Variants in NUP85 observed in about 807,000 individuals in gnomAD.
NUP85 encodes nuclear pore complex protein Nup85.
NUP85 carries 23 observed loss-of-function variants against 92.8 expected under a neutral mutation model. The observed-to-expected ratio is 0.25, with a 90% CI of 0.18 to 0.35. The LOEUF (loss-of-function observed/expected upper bound fraction) is 0.35, where lower values mean the gene tolerates loss of function less well. NUP85 is among the 10% of genes least tolerant of loss of function. The probability of loss-of-function intolerance (pLI) is 1.00; values close to 1 mark genes in which losing one functional copy is unlikely to be tolerated. For missense variants in NUP85, 759 were observed against 822.8 expected, an observed-to-expected ratio of 0.92 and a Z score of 0.95; for synonymous variants, 314 against 306.9, an observed-to-expected ratio of 1.02 and a Z score of -0.24.
chr17:75,213,982 C>T (rs1016951989), intron 5 of NUP85, among the ~76,000 whole-genome samples: 2 of 150,992 alleles, frequency 1.3e-5, no homozygotes, highest in African/African-American at 4.9e-5. Context: ...TGCCATTCTC[C>T]TGCCTCAGCC....
Position 75,226,035 on chromosome 17 carries a change from C to T in NUP85, c.988-16C>T. On this transcript the variant is annotated splice_polypyrimidine_tract_variant and intron_variant, in intron 10 of 18. Coordinates refer to ENST00000245544, the MANE Select transcript of NUP85 (RefSeq NM_024844.5). ...CTTCCGTCCTCAGGATTGAGTGTCTCATCACCTTTCCACAGTCCAGCCTGG... is the reference window on the plus strand; with the variant it reads ...CTTCCGTCCTCAGGATTGAGTGTCTTATCACCTTTCCACAGTCCAGCCTGG... The T allele has an allele frequency of 6.2e-7, 1 of 1,613,694 alleles. No individual in the cohort carries two copies. The highest frequency in any genetic ancestry group is 1.1e-5 in the South Asian group (1 of 91,074).
At chr17:75,228,513 C>T in intron 11 of NUP85, 4 of 985,418 alleles carry the variant, frequency 4.1e-6, no homozygotes, top group Non-Finnish European at 4.8e-6. Flanking sequence ...TCTTCAGAGG[C>T]AGTAGCAGTT....
Position 75,235,558 on chromosome 17 carries a change from T to A in NUP85, c.1870-20T>A, listed in dbSNP as rs754401606. On this transcript the variant is annotated intron_variant, in intron 18 of 18. Transcript: ENST00000245544. The stretch of plus-strand genomic sequence containing the variant: ...GCTCCTTCCTGCTCTTAGCTCATGC[T>A]GGCGCTCTCTGCTTTGCAGGATGAT... 2 of 1,586,640 alleles carry A rather than the reference T, an allele frequency of 1.3e-6. No homozygotes were observed. Among genetic ancestry groups the A allele is most frequent in the Non-Finnish European group, 1.7e-6 (2 of 1,155,144 alleles).
chr17:75,216,071 A>G (rs534555449), intron 6 of NUP85, among the ~76,000 whole-genome samples: 2 of 152,244 alleles, frequency 1.3e-5, no homozygotes, highest in East Asian at 3.9e-4. Flanking sequence ...ATATTAAACT[A>G]GTGTGTGAAA....
intron 11 of NUP85, among the ~76,000 whole-genome samples, chr17:75,230,604 C>CAGGT (rs1187717788): frequency 6.6e-6 from 1 of 152,138 alleles, no homozygotes. Flanking sequence ...CATGATCCTC[C>CAGGT]CACCTCGGCC....
intron 11 of NUP85, among the ~76,000 whole-genome samples, chr17:75,229,929 C>CT (rs2075980055): frequency 6.6e-6 from 1 of 152,110 alleles, no homozygotes; most frequent in African/African-American, 2.4e-5. Flanking sequence ...GTAGCAACAG[C>CT]TGTTTTGGGA....
At position 75,213,019 on chromosome 17, in the gene NUP85, T is replaced by TTATTGTC; in HGVS notation, c.362-57_362-56insTATTGTC. ...AGCCATAGACCCTGGAATATTCAGCTATGACAATAAGCCTAAGAGTTCCAT... is the reference window on the plus strand; with the variant it reads ...AGCCATAGACCCTGGAATATTCAGCTTATTGTCATGACAATAAGCCTAAGAGTTCCAT... On this transcript the variant is annotated intron_variant, in intron 4 of 18. Transcript: ENST00000245544. 2.0e-6 allele frequency: 3 copies of TTATTGTC among 1,511,058 alleles called. No homozygotes were observed. The South Asian group carries it at 3.5e-5, about 18-fold the overall frequency. 93.6% of individuals were successfully genotyped at this position (1,511,058 alleles called of 1,614,324 possible).
Position 75,225,738 on chromosome 17 carries a change from A to G in NUP85, c.896A>G (p.Glu299Gly). The change falls in exon 10 of 19, where the codon GAA (glutamate) becomes GGA (glycine). Residue 299 changes from glutamate to glycine, a missense_variant. Glu to Gly is a moderately conservative substitution (Grantham distance 98). Transcript: ENST00000245544. ...GAAGCTGCCTTGTTAGAGCAGAAGG[A>G]ACTTCTGAGTAATTGGTATCATTTC... ...GDEAALLEQKELLSNWYHFLV... is the reference protein window; with the variant it reads ...GDEAALLEQKGLLSNWYHFLV... 6.2e-7 allele frequency: 1 copy of G among 1,614,148 alleles called. No individual in the cohort carries two copies. Among genetic ancestry groups the G allele is most frequent in the Non-Finnish European group, 8.5e-7 (1 of 1,180,026 alleles).
At chr17:75,218,332 C>T in intron 7 of NUP85, 26 bp downstream of exon 7, 1 of 1,611,236 alleles carries the variant, frequency 6.2e-7, no homozygotes, top group Non-Finnish European at 8.5e-7. Flanking sequence ...CCCCCACCTC[C>T]CACCATGTGT....
At chr17:75,230,648 C>T (rs187100462) in intron 11 of NUP85, among the ~76,000 whole-genome samples, 4 of 152,186 alleles carry the variant, frequency 2.6e-5, no homozygotes, top group East Asian at 3.9e-4. Context: ...TGTGAGCTAC[C>T]GCGCCCGGCC....
At chr17:75,220,127 GT>G (rs2075554507) in intron 7 of NUP85, among the ~76,000 whole-genome samples, 1 of 151,896 alleles carries the variant, frequency 6.6e-6, no homozygotes, top group Admixed American at 6.6e-5. Context: ...TGTGAGGTGG[GT>G]TTTTTTCCTT....
chr17:75,209,530 G>A (rs1024208338), intron 2 of NUP85, among the ~76,000 whole-genome samples: 1 of 141,168 alleles, frequency 7.1e-6, no homozygotes, highest in Admixed American at 7.5e-5. Context: ...TGCCACCTCC[G>A]CCTCCCGGTT....
chr17:75,231,786 A>C lies in NUP85; in HGVS notation c.1245-42A>C, dbSNP rs2076070977. The C allele has an allele frequency of 6.2e-7, 1 of 1,611,944 alleles. No individual in the cohort carries two copies. Among genetic ancestry groups the C allele is most frequent in the Admixed American group, 1.7e-5 (1 of 59,764 alleles). On this transcript the variant is annotated intron_variant, in intron 13 of 18. Transcript: ENST00000245544. This position sits in a 1 kb window ranked among gnomAD's most constrained non-coding sequence, Gnocchi z 4.6. ...GCTGTAGGTGCCAGTCCTCGGAGCCATGAGGCAGCACCTCATGTCTGTCCT... is the reference window on the plus strand; with the variant it reads ...GCTGTAGGTGCCAGTCCTCGGAGCCCTGAGGCAGCACCTCATGTCTGTCCT...
chr17:75,223,034 A>AG (rs2075644734), intron 7 of NUP85, among the ~76,000 whole-genome samples: 1 of 80,500 alleles, frequency 1.2e-5, no homozygotes, highest in South Asian at 6.6e-4. Context: ...CTCTGTCTCA[A>AG]AAAAAAAAAA....
chr17:75,206,085 C>T (rs1385604807), intron 1 of NUP85, among the ~76,000 whole-genome samples: 4 of 152,086 alleles, frequency 2.6e-5, no homozygotes, highest in Non-Finnish European at 4.4e-5. Context: ...TCCTCTTGGG[C>T]ATTAGAGTGG....
intron 6 of NUP85, among the ~76,000 whole-genome samples, chr17:75,217,889 C>G (rs180774533): frequency 7.9e-5 from 12 of 152,268 alleles, no homozygotes; most frequent in African/African-American, 2.6e-4. Flanking sequence ...ACTTATGTAG[C>G]TATTAAGTAT....
rs1189301840 is a variant in NUP85, at chr17:75,218,351, C to T, written c.597+45C>T. The T allele has an allele frequency of 1.9e-6, 3 of 1,608,748 alleles. No individual in the cohort carries two copies. In the Admixed American group the frequency reaches 5.0e-5, roughly 27 times the overall value. On this transcript the variant is annotated intron_variant, in intron 7 of 18. Coordinates refer to ENST00000245544, the MANE Select transcript of NUP85 (RefSeq NM_024844.5). Reference sequence around the variant, plus strand: ...CACCTCCCACCATGTGTCCTACTGTCCCTGGTGCTGCCGGGTGGGTCTGAG... The same window carrying T: ...CACCTCCCACCATGTGTCCTACTGTTCCTGGTGCTGCCGGGTGGGTCTGAG...
Position 75,205,779 on chromosome 17 carries a change from C to A in NUP85, c.18C>A (p.Gly6=), listed in dbSNP as rs192918733. 4.9e-5 allele frequency: 79 copies of A among 1,614,156 alleles called. No homozygotes were observed. Among genetic ancestry groups the A allele is most frequent in the Non-Finnish European group, 6.7e-5 (79 of 1,180,002 alleles). MEELD[G]EPTVTLIPGV... ...TCGGCGCTATGGAGGAGCTCGATGGCGAGCCAACAGTCACTGTAAGGGTAC... is the reference window on the plus strand; with the variant it reads ...TCGGCGCTATGGAGGAGCTCGATGGAGAGCCAACAGTCACTGTAAGGGTAC... The change falls in exon 1 of 19, where the codon GGC becomes GGA. Residue 6 remains glycine, a synonymous_variant. Transcript: ENST00000245544.
In NUP85 at chr17:75,234,693, T is replaced by C. The variant is rs2076256006; in HGVS notation, c.1672T>C (p.Ser558Pro). The change falls in exon 17 of 19, where the codon TCT (serine) becomes CCT (proline). Residue 558 changes from serine to proline, a missense_variant. Transcript: ENST00000245544. ...GGAGAAGCGTTTTGCCGACGCAGCT[T>C]CTCTCCTTCTGTCCTTGATGACGTC... ...YGEKRFADAA[S>P]LLLSLMTSRI... 4 of 1,614,198 alleles carry C rather than the reference T, an allele frequency of 2.5e-6. No homozygotes were observed. The highest frequency in any genetic ancestry group is 2.5e-6 in the Non-Finnish European group (3 of 1,180,034).
Sources: gnomAD v4.1 joint callset for allele counts (sites outside exome capture counted in the v4.1 genomes callset) on GRCh38, gnomAD v4.1.1 for gene constraint, Gnocchi (gnomAD v3.1) non-coding constraint, MANE v1.5 for transcripts, NCBI Gene and HGNC (gene_info 2026-07-23, HGNC 2026-07-21) for gene names.